EML4: variants seen among roughly 807,000 people sequenced by gnomAD.
The protein encoded by EML4 is EMAP like 4.
A neutral mutation model predicts 129.0 loss-of-function variants in EML4; 72 were observed. That is an observed-to-expected ratio of 0.56 (90% CI 0.46 to 0.68). The LOEUF (loss-of-function observed/expected upper bound fraction) is 0.68, where lower values mean the gene tolerates loss of function less well. EML4 is among the 30% of genes least tolerant of loss of function. The pLI is 0.00. For synonymous variants in EML4, 532 were observed against 405.0 expected (o/e 1.31, Z -3.77); for missense variants, 1,363 against 1,190.6 (o/e 1.14, Z -2.13).
At chr2:42,299,100 A>G (rs999952068) in intron 13 of EML4, among the ~76,000 whole-genome samples, 3 of 152,202 alleles carry the variant, frequency 2.0e-5, no homozygotes, top group Non-Finnish European at 4.4e-5. Flanking sequence ...GATGATAAAT[A>G]TTGATGTAAG....
intron 3 of EML4, among the ~76,000 whole-genome samples, chr2:42,259,623 G>T (rs1276403831): frequency 6.6e-6 from 1 of 150,386 alleles, no homozygotes; most frequent in African/African-American, 2.4e-5. Context: ...AAAATTTTTA[G>T]TTTCATTTCT....
chr2:42,294,353 T>C (rs1186296031), intron 11 of EML4, among the ~76,000 whole-genome samples: 1 of 152,210 alleles, frequency 6.6e-6, no homozygotes, highest in Non-Finnish European at 1.5e-5. Context: ...ATCTACTTTT[T>C]AAGGGTTCAG....
At chr2:42,243,434 G>A (rs1458601382) in intron 1 of EML4, among the ~76,000 whole-genome samples, 3 of 150,688 alleles carry the variant, frequency 2.0e-5, no homozygotes, top group African/African-American at 4.9e-5. Context: ...TCTCAGAGTT[G>A]GACACATGTG....
intron 1 of EML4, among the ~76,000 whole-genome samples, chr2:42,243,832 C>T (rs936043323): frequency 6.6e-6 from 1 of 151,908 alleles, no homozygotes; most frequent in Non-Finnish European, 1.5e-5. Context: ...TGGTTTTAAA[C>T]TTTGAATTAA....
chr2:42,295,172 A>T lies in EML4; in HGVS notation c.1266A>T (p.Ala422=). ...VLAVEFHPTD[A]NTIITCGKSH... Reference sequence around the variant, plus strand: ...CTGTGGAGTTTCACCCAACAGATGCAAATACCATAATTACATGCGGTAAAT... The same window carrying T: ...CTGTGGAGTTTCACCCAACAGATGCTAATACCATAATTACATGCGGTAAAT... The change falls in exon 12 of 23, where the codon GCA becomes GCT. Residue 422 remains alanine, a synonymous_variant. Coordinates refer to ENST00000318522, the MANE Select transcript of EML4 (RefSeq NM_019063.5). The T allele has an allele frequency of 1.2e-6, 2 of 1,612,980 alleles. No homozygotes were observed. The highest frequency in any genetic ancestry group is 8.5e-7 in the Non-Finnish European group (1 of 1,179,704).
At chr2:42,207,882 T>C (rs962631603) in intron 1 of EML4, 3 of 152,248 alleles carry the variant, frequency 2.0e-5, no homozygotes, top group African/African-American at 7.2e-5. Context: ...ATTTGAGCTA[T>C]AGTTACATTA....
At chr2:42,231,469 C>T (rs758723665) in intron 1 of EML4, among the ~76,000 whole-genome samples, 3 of 152,196 alleles carry the variant, frequency 2.0e-5, no homozygotes, top group Non-Finnish European at 2.9e-5. Flanking sequence ...AGATCCAAAA[C>T]CACACATCTT....
chr2:42,321,252 G>A (rs908531124), intron 19 of EML4, among the ~76,000 whole-genome samples: 8 of 151,878 alleles, frequency 5.3e-5, no homozygotes, highest in African/African-American at 1.7e-4. Context: ...GCGTGGTGGC[G>A]GGTGCCTGTA....
chr2:42,329,319 TTTTA>T (rs1278333804), intron 22 of EML4, among the ~76,000 whole-genome samples: 2 of 152,258 alleles, frequency 1.3e-5, no homozygotes, highest in Admixed American at 6.5e-5. Flanking sequence ...TTTTAAAATA[TTTTA>T]TTTGTTGGAT....
intron 6 of EML4, among the ~76,000 whole-genome samples, chr2:42,274,806 C>CA (rs1666570183): frequency 6.6e-6 from 1 of 152,034 alleles, no homozygotes; most frequent in African/African-American, 2.4e-5. Context: ...AGTAGAAGAG[C>CA]AAAACCCAAG....
At chr2:42,178,487 T>A (rs1572832140) in intron 1 of EML4, among the ~76,000 whole-genome samples, 1 of 151,814 alleles carries the variant, frequency 6.6e-6, no homozygotes. Context: ...GAGGCTGCAG[T>A]GAGCTATGAT....
At chr2:42,320,910 T>G (rs1461317197) in intron 19 of EML4, among the ~76,000 whole-genome samples, 2 of 152,136 alleles carry the variant, frequency 1.3e-5, no homozygotes, top group Admixed American at 6.5e-5. Flanking sequence ...GAAGTGCTGG[T>G]AAAAGTAAGT....
intron 1 of EML4, among the ~76,000 whole-genome samples, chr2:42,199,948 A>G (rs780589925): frequency 1.3e-5 from 2 of 152,102 alleles, no homozygotes; most frequent in East Asian, 1.9e-4. Flanking sequence ...TTAAAAAACA[A>G]TTTTGACATT....
At chr2:42,265,886 G>T (rs144822916) in intron 6 of EML4, among the ~76,000 whole-genome samples, 1 of 152,266 alleles carries the variant, frequency 6.6e-6, no homozygotes, top group African/African-American at 2.4e-5. Context: ...TGGCGAATGC[G>T]TATTTAATTT....
At chr2:42,302,536 CTT>C (rs765657314) in intron 14 of EML4, among the ~76,000 whole-genome samples, 22 of 141,596 alleles carry the variant, frequency 1.6e-4, no homozygotes, top group Admixed American at 1.4e-4. Context: ...GAACTTACTT[CTT>C]TTTTTTTTTT....
chr2:42,306,025 G>C (rs1465121851), intron 17 of EML4, among the ~76,000 whole-genome samples: 1 of 152,110 alleles, frequency 6.6e-6, no homozygotes, highest in African/African-American at 2.4e-5. Flanking sequence ...AAAGATAATT[G>C]AATTATGAAT....
chr2:42,236,775 A>G (rs931723903), intron 1 of EML4, among the ~76,000 whole-genome samples: 1 of 152,028 alleles, frequency 6.6e-6, no homozygotes, highest in Admixed American at 6.6e-5. Flanking sequence ...ACTTTCTACC[A>G]GTGATGTTGG....
At chr2:42,202,986 C>A (rs535423265) in intron 1 of EML4, among the ~76,000 whole-genome samples, 5 of 152,194 alleles carry the variant, frequency 3.3e-5, no homozygotes, top group African/African-American at 4.8e-5. Flanking sequence ...CATGATTGTA[C>A]CAGTGTACTC....
chr2:42,245,046 GT>G (rs1490469344), intron 1 of EML4, among the ~76,000 whole-genome samples: 1 of 141,666 alleles, frequency 7.1e-6, no homozygotes, highest in Non-Finnish European at 1.5e-5. Context: ...GTTAATATGT[GT>G]CAACATGATG....
Sources: allele counts gnomAD v4.1 joint callset (sites outside exome capture counted in the v4.1 genomes callset), GRCh38; gene constraint gnomAD v4.1.1; transcripts MANE v1.5; gene names NCBI Gene and HGNC (gene_info 2026-07-23, HGNC 2026-07-21).